Variants in GRAMD1A observed in about 807,000 individuals in gnomAD.
GRAMD1A encodes protein Aster-A.
In GRAMD1A, 50 loss-of-function variants were observed where a neutral mutation model predicts 92.0. That is an observed-to-expected ratio of 0.54 (90% CI 0.43 to 0.69). The LOEUF (loss-of-function observed/expected upper bound fraction) is 0.69, where lower values mean the gene tolerates loss of function less well. Among genes scored for constraint, GRAMD1A ranks in the 30% least tolerant of loss-of-function variants. The pLI is 0.00. For missense variants in GRAMD1A, 819 were observed against 978.9 expected (o/e 0.84, Z 2.18); for synonymous variants, 405 against 403.6 (o/e 1.00, Z -0.04).
At position 35,024,261 on chromosome 19, in the gene GRAMD1A, T is replaced by C. The variant is rs1488664577; in HGVS notation, c.2082+714T>C. ...GTTGTGAGGATGAGACAAGTTGACA[T>C]TGGGAGTGGTGCCAGGCCTGCAGGA... On this transcript the variant is annotated intron_variant, in intron 19 of 19. Coordinates refer to ENST00000317991, the MANE Select transcript of GRAMD1A (RefSeq NM_020895.5). Among the ~76,000 whole-genome samples, 6 of 152,242 alleles carry C rather than the reference T, an allele frequency of 3.9e-5. No homozygotes were observed. The East Asian group carries it at 5.8e-4, about 15-fold the overall frequency.
chr19:35,019,075 G>C (rs909544382), intron 11 of GRAMD1A, 116 bp from the exon 12 acceptor site: 1 of 704,178 alleles, frequency 1.4e-6, no homozygotes, highest in African/African-American at 1.8e-5. Context: ...GGACACAGAG[G>C]AGTGGTGGGG....
intron 10 of GRAMD1A, 58 bp downstream of exon 10, chr19:35,014,445 T>C: frequency 6.8e-7 from 1 of 1,462,958 alleles, no homozygotes; most frequent in South Asian, 1.1e-5. Context: ...CGCTCAGTCT[T>C]AAGCAAGAGG....
chr19:34,996,475 C>T (rs866269624), upstream of GRAMD1A, among the ~76,000 whole-genome samples: 53 of 152,314 alleles, frequency 3.5e-4, no homozygotes, highest in Admixed American at 7.2e-4. Flanking sequence ...GTTGGGACAA[C>T]CAGCTATGAC....
chr19:35,025,952 G>C, intron 19 of GRAMD1A, 97 bp from the exon 20 acceptor site: 1 of 742,652 alleles, frequency 1.3e-6, no homozygotes, highest in South Asian at 1.4e-5. Context: ...ATGGCCTCTA[G>C]ACCGTCCTCA....
Position 35,026,283 on chromosome 19 carries a change from G to A in GRAMD1A, c.*142G>A, listed in dbSNP as rs1252965218. On this transcript the variant is annotated 3_prime_UTR_variant, in exon 20 of 20. Coordinates refer to ENST00000317991, the MANE Select transcript of GRAMD1A (RefSeq NM_020895.5). Reference sequence around the variant, plus strand: ...CAACCAGGGGCTGTGCAGACGTGGGGACCACGGAACCGAGATGCACTTTAG... The same window carrying A: ...CAACCAGGGGCTGTGCAGACGTGGGAACCACGGAACCGAGATGCACTTTAG... 1.6e-6 allele frequency: 1 copy of A among 613,086 alleles called. No homozygotes were observed. The allele number at this position is 613,086 out of a possible 1,614,324, so 38.0% of individuals were successfully genotyped here.
intron 1 of GRAMD1A, among the ~76,000 whole-genome samples, chr19:35,003,268 G>C (rs946426438): frequency 1.3e-5 from 2 of 152,096 alleles, no homozygotes; most frequent in African/African-American, 4.8e-5. Flanking sequence ...CAATCATTGA[G>C]TTTCCCTTTT....
Position 35,014,318 on chromosome 19 carries a change from T to C in GRAMD1A, c.1000T>C (p.Leu334=). 6.2e-7 allele frequency: 1 copy of C among 1,614,102 alleles called. No individual in the cohort carries two copies. The highest frequency in any genetic ancestry group is 8.5e-7 in the Non-Finnish European group (1 of 1,179,984). The change falls in exon 10 of 20, where the codon TTG becomes CTG. Residue 334 remains leucine (L), a synonymous_variant. Coordinates refer to ENST00000317991, the MANE Select transcript of GRAMD1A (RefSeq NM_020895.5). ...QPDGPTTLGP[L]DLLPSEELLT... Reference sequence around the variant, plus strand: ...TGACGGGCCCACCACCCTGGGCCCCTTGGATCTGCTGCCCAGTGAGGAGCT... The same window carrying C: ...TGACGGGCCCACCACCCTGGGCCCCCTGGATCTGCTGCCCAGTGAGGAGCT...
intron 10 of GRAMD1A, chr19:35,014,871 GAA>G (rs1555715398): frequency 1.3e-5 from 2 of 153,860 alleles, no homozygotes; most frequent in African/African-American, 5.8e-5. Context: ...GTACAAAAAA[GAA>G]AAAAAAGAAA....
chr19:34,995,570 G>GTTTTTCTTTTTT (rs1173583059), upstream of GRAMD1A, among the ~76,000 whole-genome samples: 20 of 80,978 alleles, frequency 2.5e-4, 2 homozygotes, highest in Admixed American at 2.7e-4. Flanking sequence ...TCAGATCACG[G>GTTTTTCTTTTTT]GTTTTTTTTT....
rs1040604792 is a variant in GRAMD1A at position 35,023,145 on chromosome 19, G to A, written c.1854-91G>A. 2.9e-5 allele frequency: 27 copies of A among 926,282 alleles called. No homozygotes were observed. The Admixed American group carries it at 3.1e-4, about 11-fold the overall frequency. 57.4% of individuals were successfully genotyped at this position (926,282 alleles called of 1,614,324 possible). On this transcript the variant is annotated intron_variant, in intron 17 of 19. Coordinates refer to ENST00000317991, the MANE Select transcript of GRAMD1A (RefSeq NM_020895.5). Reference sequence around the variant, plus strand: ...GCCTAATTCTCCTCCTCTGCAATGGGGGATAGAGGTGTCCCTACAAGATGT... The same window carrying A: ...GCCTAATTCTCCTCCTCTGCAATGGAGGATAGAGGTGTCCCTACAAGATGT...
Position 35,019,537 on chromosome 19 carries a change from A to G in GRAMD1A, c.1475+4A>G, listed in dbSNP as rs924840272. The G allele has an allele frequency of 1.2e-6, 2 of 1,613,516 alleles. No homozygotes were observed. The highest frequency in any genetic ancestry group is 1.7e-6 in the Non-Finnish European group (2 of 1,179,766). On this transcript the variant is annotated splice_donor_region_variant and intron_variant, in intron 13 of 19. Transcript: ENST00000317991. ...CCCGGAACAAGGCGCGGCTCCGGTG[A>G]GTGGTGGCTGGGCCCCTCCACCCGA...
rs200052685 is a variant in GRAMD1A, at chr19:35,026,060, G to A, written c.2094G>A (p.Ser698=). 8 of 1,591,928 alleles carry A rather than the reference G, an allele frequency of 5.0e-6. No individual in the cohort carries two copies. The highest frequency in any genetic ancestry group is 2.2e-5 in the East Asian group (1 of 44,762). The stretch of plus-strand genomic sequence containing the variant: ...CCTCCTCCCCGCAGATGAAGTTCTC[G>A]CTGGAGAAGCTGCACCAAGGCATCA... ...SVELLDEMKF[S]LEKLHQGITV... is the part of the protein sequence containing the mutation. The change falls in exon 20 of 20, where the codon TCG becomes TCA. Residue 698 remains serine (S), a synonymous_variant. Coordinates refer to ENST00000317991, the MANE Select transcript of GRAMD1A (RefSeq NM_020895.5).
At chr19:35,002,957 T>G (rs1214853752) in intron 1 of GRAMD1A, 1 of 152,328 alleles carries the variant, frequency 6.6e-6, no homozygotes, top group Non-Finnish European at 1.5e-5. Context: ...TGCTGTATGT[T>G]TCTGTGACCC....
Position 35,000,487 on chromosome 19 carries a change from G to C in GRAMD1A, c.8+1G>C. 7.8e-7 allele frequency: 1 copy of C among 1,278,460 alleles called. No homozygotes were observed. Among genetic ancestry groups the C allele is most frequent in the Non-Finnish European group, 9.9e-7 (1 of 1,005,884 alleles). 79.2% of individuals were successfully genotyped at this position (1,278,460 alleles called of 1,614,324 possible). A position where few individuals can be genotyped will look rare whatever the true frequency, so the allele number is the denominator to read the frequency against. On this transcript the variant is annotated splice_donor_variant, in intron 1 of 19. Coordinates refer to ENST00000317991, the MANE Select transcript of GRAMD1A (RefSeq NM_020895.5). LOFTEE classifies it high-confidence loss of function. The surrounding 1 kb of genome is among the most constrained non-coding windows in gnomAD (Gnocchi z 4.9). ...CCCACCGCGCCGCATCCATGTTCGAGTAAGGACCGGGCGACTAGAGCTCAG... is the reference window on the plus strand; with the variant it reads ...CCCACCGCGCCGCATCCATGTTCGACTAAGGACCGGGCGACTAGAGCTCAG...
intron 1 of GRAMD1A, among the ~76,000 whole-genome samples, chr19:35,001,861 G>C (rs1456113162): frequency 6.6e-6 from 1 of 152,176 alleles, no homozygotes; most frequent in Non-Finnish European, 1.5e-5. Context: ...ACCCACCTCG[G>C]CCTCCCAAAG....
At chr19:35,015,650 C>T in intron 10 of GRAMD1A, 174 bp from the exon 11 acceptor site, 1 of 576,992 alleles carries the variant, frequency 1.7e-6, no homozygotes, top group Non-Finnish European at 3.0e-6. Flanking sequence ...GGAGCACGTG[C>T]CCACCCTCAA....
At chr19:35,001,725 A>G (rs574228514) in intron 1 of GRAMD1A, among the ~76,000 whole-genome samples, 1 of 152,014 alleles carries the variant, frequency 6.6e-6, no homozygotes, top group African/African-American at 2.4e-5. Flanking sequence ...CTCCTGCCTC[A>G]GCCTCCTGAG....
chr19:35,019,619 G>A (rs1036185439), intron 13 of GRAMD1A, 86 bp downstream of exon 13: 15 of 1,317,990 alleles, frequency 1.1e-5, no homozygotes, highest in Non-Finnish European at 1.6e-5. Flanking sequence ...CAGAGCCTTG[G>A]TTCCCACCCT....
intron 11 of GRAMD1A, among the ~76,000 whole-genome samples, chr19:35,018,565 G>A (rs2015809385): frequency 6.6e-6 from 1 of 152,146 alleles, no homozygotes; most frequent in African/African-American, 2.4e-5. Flanking sequence ...AGGGGTACTG[G>A]GGAGCCATGG....
Sources: gnomAD v4.1 joint callset for allele counts (sites outside exome capture counted in the v4.1 genomes callset) on GRCh38, gnomAD v4.1.1 for gene constraint, Gnocchi (gnomAD v3.1) non-coding constraint, MANE v1.5 for transcripts, NCBI Gene and HGNC (gene_info 2026-07-23, HGNC 2026-07-21) for gene names.